PRKN: variants seen among roughly 807,000 people sequenced by gnomAD.
The protein encoded by PRKN is E3 ubiquitin-protein ligase parkin.
In PRKN, 56 loss-of-function variants were observed where a neutral mutation model predicts 59.5. The observed-to-expected ratio is 0.94, with a 90% CI of 0.76 to 1.18. PRKN has a LOEUF of 1.18. Among genes scored for constraint, PRKN ranks in the 50% most tolerant of loss-of-function variants. PRKN has a pLI of 0.00. For missense variants in PRKN, 657 were observed against 596.4 expected (o/e 1.10, Z -1.06); for synonymous variants, 250 against 222.1 (o/e 1.13, Z -1.12).
At position 161,544,315 on chromosome 6, in the gene PRKN, A is replaced by G. The variant is rs939060975; in HGVS notation, c.1083+4539T>C. ...ATTTTGGTTTTCTGAATTATATACT[A>G]TGTGTGCTATTAAAACACTGTATAT... is the stretch of plus-strand genomic sequence containing the variant. On this transcript the variant is annotated intron_variant, in intron 9 of 11. Transcript: ENST00000366898. The surrounding 1 kb of genome is among the most constrained non-coding windows in gnomAD (Gnocchi z 5.5). Among the ~76,000 whole-genome samples, 13 of 152,310 alleles carry G rather than the reference A, an allele frequency of 8.5e-5. No homozygotes were observed. The East Asian group carries it at 2.3e-3, about 27-fold the overall frequency.
At chr6:161,945,149 A>G (rs1312207352) in intron 6 of PRKN, among the ~76,000 whole-genome samples, 1 of 152,154 alleles carries the variant, frequency 6.6e-6, no homozygotes, top group Non-Finnish European at 1.5e-5. Context: ...ATGGAGAGAA[A>G]GCCTTAGTTA....
chr6:162,315,513 G>T (rs1327330567), intron 2 of PRKN, among the ~76,000 whole-genome samples: 1 of 152,114 alleles, frequency 6.6e-6, no homozygotes, highest in East Asian at 1.9e-4. Context: ...CAAATTTGTT[G>T]TTCATCTGCA....
chr6:162,272,870 T>A (rs1419016727), intron 2 of PRKN, among the ~76,000 whole-genome samples: 2 of 151,510 alleles, frequency 1.3e-5, no homozygotes, highest in African/African-American at 2.4e-5. Context: ...TGGTTGTGCG[T>A]GCCTGTAATC....
At chr6:162,021,927 A>G (rs1783221209) in intron 5 of PRKN, among the ~76,000 whole-genome samples, 3 of 152,112 alleles carry the variant, frequency 2.0e-5, no homozygotes, top group Admixed American at 2.0e-4. Flanking sequence ...GTTCCCACTT[A>G]TAAGTGAGAA....
chr6:162,278,923 G>A lies in PRKN; in HGVS notation c.172-16158C>T, dbSNP rs527896157. Among the ~76,000 whole-genome samples, 36 of 152,224 alleles carry A rather than the reference G, an allele frequency of 2.4e-4. No individual in the cohort carries two copies. The East Asian group carries it at 6.2e-3, about 26-fold the overall frequency. ...AGTGTTAACAGTTGGGGACTCTGGA[G>A]AAAGGTTGTACAGATATTTGCTATA... On this transcript the variant is annotated intron_variant, in intron 2 of 11. Coordinates refer to ENST00000366898, the MANE Select transcript of PRKN (RefSeq NM_004562.3).
In PRKN at chr6:161,650,084, G is replaced by A. The variant is rs1218499644; in HGVS notation, c.872-80668C>T. On this transcript the variant is annotated intron_variant, in intron 7 of 11. Coordinates refer to ENST00000366898, the MANE Select transcript of PRKN (RefSeq NM_004562.3). ...GCCCAGATCATACCAGTCCCCAGAG[G>A]TCAAGTTATCTCAACCTACAGGTCG... Among the ~76,000 whole-genome samples, 3 of 152,126 alleles carry A rather than the reference G, an allele frequency of 2.0e-5. No individual in the cohort carries two copies. The East Asian group carries it at 5.8e-4, about 29-fold the overall frequency.
Position 161,355,682 on chromosome 6 carries a change from A to G in PRKN, c.1285+4406T>C, listed in dbSNP as rs969078311. ...CGGCCTCCCAAAGTGCTGGGATTAC[A>G]GGCGTGAGTCACCACGCCCGGCCTA... On this transcript the variant is annotated intron_variant, in intron 11 of 11. Transcript: ENST00000366898. The surrounding 1 kb of genome is among the most constrained non-coding windows in gnomAD (Gnocchi z 6.8). Among the ~76,000 whole-genome samples the G allele has an allele frequency of 3.3e-5, 5 of 152,172 alleles. No individual in the cohort carries two copies. Among genetic ancestry groups the G allele is most frequent in the African/African-American group, 1.2e-4 (5 of 41,430 alleles).
chr6:162,199,599 G>A (rs1784635961), intron 4 of PRKN, among the ~76,000 whole-genome samples: 1 of 152,192 alleles, frequency 6.6e-6, no homozygotes, highest in Non-Finnish European at 1.5e-5. Flanking sequence ...AGAGGAGCAA[G>A]TGGAAGCAAC....
intron 5 of PRKN, among the ~76,000 whole-genome samples, chr6:162,043,343 A>G (rs1784136721): frequency 6.6e-6 from 1 of 152,216 alleles, no homozygotes; most frequent in Admixed American, 6.5e-5. Context: ...GTTTTTGAAT[A>G]AGGTTTTTGA....
At chr6:161,810,979 C>T (rs1286636976) in intron 6 of PRKN, among the ~76,000 whole-genome samples, 1 of 152,052 alleles carries the variant, frequency 6.6e-6, no homozygotes, top group Non-Finnish European at 1.5e-5. Context: ...AGAAAGGGTA[C>T]TCCAAGCAGA....
At chr6:161,876,420 C>T (rs996466845) in intron 6 of PRKN, among the ~76,000 whole-genome samples, 2 of 152,100 alleles carry the variant, frequency 1.3e-5, no homozygotes, top group African/African-American at 4.8e-5. Context: ...TAAGCAATCC[C>T]TTCACCCCAG....
At chr6:161,652,641 G>A (rs1030120810) in intron 7 of PRKN, among the ~76,000 whole-genome samples, 1 of 152,020 alleles carries the variant, frequency 6.6e-6, no homozygotes, top group African/African-American at 2.4e-5. Flanking sequence ...TTTTGATATA[G>A]AAATTAAGAA....
intron 1 of PRKN, among the ~76,000 whole-genome samples, chr6:162,612,159 C>G (rs187252774): frequency 5.1e-5 from 7 of 137,492 alleles, no homozygotes; most frequent in South Asian, 2.4e-4. Context: ...CGCCACTGCA[C>G]TCCAGCCTCG....
intron 2 of PRKN, among the ~76,000 whole-genome samples, chr6:162,295,069 T>C (rs62429434): frequency 1.3e-5 from 2 of 152,176 alleles, no homozygotes; most frequent in Non-Finnish European, 2.9e-5. Flanking sequence ...AGCTCAACAA[T>C]ATATTAACTA....
chr6:161,888,442 C>A (rs1359610107), intron 6 of PRKN, among the ~76,000 whole-genome samples: 1 of 152,202 alleles, frequency 6.6e-6, no homozygotes, highest in African/African-American at 2.4e-5. Flanking sequence ...TTTCTCCTCA[C>A]ACCATACGGT....
intron 6 of PRKN, among the ~76,000 whole-genome samples, chr6:161,848,723 A>T (rs1443691920): frequency 6.6e-6 from 1 of 152,238 alleles, no homozygotes; most frequent in East Asian, 1.9e-4. Flanking sequence ...ATTCATAAAT[A>T]GGTCTCTCTC....
rs1416012588 is a variant in PRKN at position 161,575,358 on chromosome 6, C to T, written c.872-5942G>A. Among the ~76,000 whole-genome samples the T allele has an allele frequency of 6.6e-6, 1 of 152,130 alleles. No homozygotes were observed. Among genetic ancestry groups the T allele is most frequent in the Non-Finnish European group, 1.5e-5 (1 of 68,012 alleles). On this transcript the variant is annotated intron_variant, in intron 7 of 11. Coordinates refer to ENST00000366898, the MANE Select transcript of PRKN (RefSeq NM_004562.3). This position sits in a 1 kb window ranked among gnomAD's most constrained non-coding sequence, Gnocchi z 4.6. ...GAAAACGCGTCACAAAGTTGTGTAG[C>T]ATTTCCACAAAGTCACTGACAGCTA...
chr6:162,458,200 G>C (rs1457653139), intron 1 of PRKN, among the ~76,000 whole-genome samples: 1 of 127,262 alleles, frequency 7.9e-6, no homozygotes, highest in South Asian at 2.4e-4. Flanking sequence ...AGGTTGCAGT[G>C]AGCCAAGATC....
chr6:162,621,402 C>T (rs1489209558), intron 1 of PRKN, among the ~76,000 whole-genome samples: 1 of 152,186 alleles, frequency 6.6e-6, no homozygotes, highest in Admixed American at 6.5e-5. Context: ...CAGCTCCTCC[C>T]ATCACCACAA....
Sources: gnomAD v4.1 joint callset for allele counts (sites outside exome capture counted in the v4.1 genomes callset) on GRCh38, gnomAD v4.1.1 for gene constraint, Gnocchi (gnomAD v3.1) non-coding constraint, MANE v1.5 for transcripts, NCBI Gene and HGNC (gene_info 2026-07-23, HGNC 2026-07-21) for gene names.